Variants in SPECC1L observed in about 807,000 individuals in gnomAD.
The protein encoded by SPECC1L is cytospin-A.
SPECC1L carries 40 observed loss-of-function variants against 116.8 expected under a neutral mutation model. That is an observed-to-expected ratio of 0.34 (90% confidence interval 0.27 to 0.45). The LOEUF is 0.45. Ranked by LOEUF, SPECC1L falls within the 20% of genes least tolerant of loss-of-function variation. SPECC1L has a pLI of 1.00. For synonymous variants in SPECC1L, 504 were observed against 500.6 expected, an observed-to-expected ratio of 1.01 and a Z score of -0.09; for missense variants, 1,110 against 1,373.6, an observed-to-expected ratio of 0.81 and a Z score of 3.03.
intron 14 of SPECC1L, among the ~76,000 whole-genome samples, chr22:24,372,069 A>G (rs1275879270): frequency 1.3e-5 from 2 of 152,196 alleles, no homozygotes; most frequent in Admixed American, 1.3e-4. Context: ...GAAAGATCTC[A>G]AAGCAGTAAT....
At chr22:24,366,241 G>A (rs1439246447) in intron 13 of SPECC1L, among the ~76,000 whole-genome samples, 1 of 151,924 alleles carries the variant, frequency 6.6e-6, no homozygotes, top group African/African-American at 2.4e-5. Context: ...CGCCCAGGTT[G>A]GAGTGCAGTG....
intron 4 of SPECC1L, among the ~76,000 whole-genome samples, chr22:24,315,501 T>C (rs2040543500): frequency 6.6e-6 from 1 of 152,262 alleles, no homozygotes; most frequent in African/African-American, 2.4e-5. Flanking sequence ...AAGCCTGGGG[T>C]CATCACCACA....
At chr22:24,285,403 C>T (rs5751837) in intron 2 of SPECC1L, among the ~76,000 whole-genome samples, 3,788 of 152,072 alleles carry the variant, frequency 0.025, 152 homozygotes, top group South Asian at 0.12. Flanking sequence ...GATGAAAGAC[C>T]GAAATTTGGA....
intron 14 of SPECC1L, among the ~76,000 whole-genome samples, chr22:24,384,221 T>G (rs1293454674): frequency 2.0e-5 from 3 of 151,932 alleles, no homozygotes; most frequent in African/African-American, 7.3e-5. Flanking sequence ...TCAAGGACAG[T>G]GAAAAAAATA....
At chr22:24,340,715 C>T (rs2041160806) in intron 10 of SPECC1L, among the ~76,000 whole-genome samples, 1 of 152,094 alleles carries the variant, frequency 6.6e-6, no homozygotes, top group South Asian at 2.1e-4. Context: ...TTAGTTAGTA[C>T]AGTGCGTCTC....
intron 4 of SPECC1L, among the ~76,000 whole-genome samples, chr22:24,314,118 A>G (rs1456807886): frequency 2.0e-5 from 3 of 150,124 alleles, no homozygotes; most frequent in Admixed American, 1.3e-4. Context: ...GATCTCAGCT[A>G]ACTGCAAGCT....
In SPECC1L at chr22:24,334,372, C is replaced by T. The variant is rs59111076; in HGVS notation, c.2397-38C>T. 12,198 of 1,606,376 alleles carry T rather than the reference C, an allele frequency of 7.6e-3. 778 individuals carry two copies. The African/African-American group carries it at 0.14, about 19-fold the overall frequency. ...AGGGGAAAATGTGTATGTTCTAGTA[C>T]CTATGTAAAAATGCTCTGATTTCAA... On this transcript the variant is annotated intron_variant, in intron 8 of 16. Coordinates refer to ENST00000314328, the MANE Select transcript of SPECC1L (RefSeq NM_015330.6).
At position 24,338,374 on chromosome 22, in the gene SPECC1L, T is replaced by C; in HGVS notation, c.2561-12T>C. Reference sequence around the variant, plus strand: ...GTGACATTATTTCCCTTTTTGTTTGTTGTTTTTGTAGTACCAAACCCTGCT... The same window carrying C: ...GTGACATTATTTCCCTTTTTGTTTGCTGTTTTTGTAGTACCAAACCCTGCT... On this transcript the variant is annotated splice_polypyrimidine_tract_variant and intron_variant, in intron 9 of 16. Coordinates refer to ENST00000314328, the MANE Select transcript of SPECC1L (RefSeq NM_015330.6). 6.2e-7 allele frequency: 1 copy of C among 1,613,576 alleles called. No homozygotes were observed. The highest frequency in any genetic ancestry group is 8.5e-7 in the Non-Finnish European group (1 of 1,179,590).
chr22:24,330,181 T>C (rs2040911276), intron 7 of SPECC1L, 75 bp from the exon 8 acceptor site: 2 of 1,498,220 alleles, frequency 1.3e-6, no homozygotes, highest in African/African-American at 2.8e-5. Context: ...AATCCAATCA[T>C]AAACAAATTT....
chr22:24,383,792 ATTTTTTTTTTTTTTTTTTTTTTTTTT>A (rs538972717), intron 14 of SPECC1L, among the ~76,000 whole-genome samples: 4 of 77,338 alleles, frequency 5.2e-5, no homozygotes, highest in Admixed American at 1.4e-4. Context: ...ACCCACCACT[ATTTTTTTTTTTTTTTTTTTTTTTTTT>A]TTTTTTTTTT....
intron 2 of SPECC1L, among the ~76,000 whole-genome samples, chr22:24,281,351 T>TG (rs1252227870): frequency 6.6e-6 from 1 of 152,212 alleles, no homozygotes; most frequent in African/African-American, 2.4e-5. Flanking sequence ...AAAAAGCTCC[T>TG]GGAATTTCTG....
intron 2 of SPECC1L, among the ~76,000 whole-genome samples, chr22:24,280,115 C>G (rs1488496847): frequency 1.3e-5 from 2 of 152,206 alleles, no homozygotes; most frequent in Non-Finnish European, 2.9e-5. Context: ...TCTGCTCACT[C>G]TCTCCTTCCT....
intron 8 of SPECC1L, 29 bp downstream of exon 8, chr22:24,330,460 T>G: frequency 1.2e-6 from 2 of 1,610,882 alleles, no homozygotes; most frequent in Non-Finnish European, 1.7e-6. Flanking sequence ...GTTGTGTACT[T>G]ATGTTTCAGT....
chr22:24,300,963 A>T (rs1419483684), intron 2 of SPECC1L, among the ~76,000 whole-genome samples: 29 of 152,162 alleles, frequency 1.9e-4, no homozygotes, highest in Admixed American at 1.9e-3. Flanking sequence ...TAAAAAATTA[A>T]CTCAAGCTGG....
rs768345667 is a variant in SPECC1L, at chr22:24,322,381, C to T, written c.1401C>T (p.Arg467=). The T allele has an allele frequency of 1.9e-6, 3 of 1,614,210 alleles. No individual in the cohort carries two copies. Among genetic ancestry groups the T allele is most frequent in the South Asian group, 2.2e-5 (2 of 91,080 alleles). Residue 467 remains arginine, a synonymous_variant, in exon 5 of 17, where the codon CGC becomes CGT. Coordinates refer to ENST00000314328, the MANE Select transcript of SPECC1L (RefSeq NM_015330.6). ...EHFSRQIEYF[R]SLLDEHHISY... ...TTAGTCGACAGATTGAATACTTCCG[C>T]TCTCTTCTAGATGAGCATCACATTT...
intron 11 of SPECC1L, among the ~76,000 whole-genome samples, chr22:24,355,198 A>T (rs549239244): frequency 6.0e-4 from 89 of 147,550 alleles, no homozygotes; most frequent in African/African-American, 2.0e-3. Flanking sequence ...CATGAGAATT[A>T]CTTGAACCTG....
intron 10 of SPECC1L, chr22:24,343,652 G>A (rs2041227884): frequency 4.1e-6 from 1 of 245,704 alleles, no homozygotes; most frequent in Admixed American, 5.4e-5. Context: ...GTAGAGATGG[G>A]GTTTCTCCAT....
At chr22:24,355,594 T>G (rs986362940) in intron 11 of SPECC1L, among the ~76,000 whole-genome samples, 2 of 152,132 alleles carry the variant, frequency 1.3e-5, no homozygotes, top group African/African-American at 4.8e-5. Flanking sequence ...GAATTTTCCC[T>G]TCCCTTACTT....
At chr22:24,337,387 A>G (rs77143344) in intron 9 of SPECC1L, among the ~76,000 whole-genome samples, 5,135 of 152,316 alleles carry the variant, frequency 0.034, 177 homozygotes, top group African/African-American at 0.083. Flanking sequence ...ACACTAGGTC[A>G]GTCCATAGAG....
Sources: gnomAD v4.1 joint callset for allele counts (sites outside exome capture counted in the v4.1 genomes callset) on GRCh38, gnomAD v4.1.1 for gene constraint, MANE v1.5 for transcripts, NCBI Gene and HGNC (gene_info 2026-07-23, HGNC 2026-07-21) for gene names.